The following AIMP2 variants were observed in gnomAD, a reference collection of about 807,000 sequenced individuals.
The protein encoded by AIMP2 is aminoacyl tRNA synthase complex-interacting multifunctional protein 2.
In AIMP2, 20 loss-of-function variants were observed where a neutral mutation model predicts 23.4. The ratio of observed to expected loss-of-function variants is 0.85; its 90% CI spans 0.60 to 1.24. The LOEUF (loss-of-function observed/expected upper bound fraction) is 1.24, where lower values mean the gene tolerates loss of function less well. AIMP2 is among the 50% of genes most tolerant of loss of function. AIMP2 has a pLI of 0.00. For synonymous variants in AIMP2, 210 were observed against 170.4 expected, an observed-to-expected ratio of 1.23 and a Z score of -1.81; for missense variants, 515 against 414.5, an observed-to-expected ratio of 1.24 and a Z score of -2.10.
chr7:6,010,107 A>G (rs1192450590), intron 1 of AIMP2, among the ~76,000 whole-genome samples: 1 of 150,388 alleles, frequency 6.6e-6, no homozygotes, highest in Non-Finnish European at 1.5e-5. Flanking sequence ...TCTCAGCAAC[A>G]TAGCGAGACC....
chr7:6,022,847 T>A (rs1787530257), intron 3 of AIMP2: 1 of 161,662 alleles, frequency 6.2e-6, no homozygotes, highest in Non-Finnish European at 1.4e-5. Context: ...ATGTTATGTA[T>A]TGACTATCCC....
At chr7:6,021,338 C>CAAAAAAAA (rs563523048) in intron 3 of AIMP2, among the ~76,000 whole-genome samples, 2 of 65,950 alleles carry the variant, frequency 3.0e-5, no homozygotes, top group Admixed American at 3.9e-4. Flanking sequence ...GACTCCATCT[C>CAAAAAAAA]AAAAAAAAAA....
intron 2 of AIMP2, among the ~76,000 whole-genome samples, chr7:6,015,895 C>T (rs533395983): frequency 6.6e-6 from 1 of 152,288 alleles, no homozygotes; most frequent in East Asian, 1.9e-4. Flanking sequence ...ACGTAGAGGA[C>T]AGGGAGGATC....
Position 6,023,552 on chromosome 7 carries a change from C to A in AIMP2, c.824C>A (p.Thr275Asn), listed in dbSNP as rs1468784875. 1 of 1,614,142 alleles carries A rather than the reference C, an allele frequency of 6.2e-7. No homozygotes were observed. The highest frequency in any genetic ancestry group is 1.3e-5 in the African/African-American group (1 of 74,948). Residue 275 changes from threonine (T) to asparagine (N), a missense_variant, in exon 4 of 4, where the codon ACC (threonine) becomes AAC (asparagine). Thr to Asn is a moderately conservative substitution (Grantham distance 65). Coordinates refer to ENST00000223029, the MANE Select transcript of AIMP2 (RefSeq NM_006303.4). ...KSPWLAGNEL[T>N]VADVVLWSVL... Reference sequence around the variant, plus strand: ...CCTTGGCTCGCTGGGAATGAACTCACCGTAGCAGACGTGGTGCTGTGGTCT... The same window carrying A: ...CCTTGGCTCGCTGGGAATGAACTCAACGTAGCAGACGTGGTGCTGTGGTCT...
At position 6,015,188 on chromosome 7, in the gene AIMP2, G is replaced by C. The variant is rs1786944388; in HGVS notation, c.178G>C (p.Asp60His). The C allele has an allele frequency of 6.2e-7, 1 of 1,614,160 alleles. No individual in the cohort carries two copies. Among genetic ancestry groups the C allele is most frequent in the Non-Finnish European group, 8.5e-7 (1 of 1,180,010 alleles). The stretch of plus-strand genomic sequence containing the variant: ...TCTGCAAGCTCTTGAGTCCCGCCAA[G>C]ATGATATTTTAAAACGTCTGTATGA... ...LSLQALESRQ[D>H]DILKRLYELK... The change falls in exon 2 of 4, where the codon GAT becomes CAT. Residue 60 changes from aspartate (D) to histidine (H), a missense_variant. Asp to His is a moderately conservative substitution (Grantham distance 81). Transcript: ENST00000223029.
intron 3 of AIMP2, 68 bp from the exon 4 acceptor site, chr7:6,023,234 TC>T: frequency 2.0e-6 from 3 of 1,501,750 alleles, no homozygotes; most frequent in Non-Finnish European, 2.7e-6. Flanking sequence ...ACTGTCCCCT[TC>T]CCCACTGTGC....
intron 1 of AIMP2, among the ~76,000 whole-genome samples, chr7:6,011,798 G>A (rs963357009): frequency 6.6e-6 from 1 of 152,188 alleles, no homozygotes; most frequent in African/African-American, 2.4e-5. Context: ...GTTGGAGAAT[G>A]TCACCTTTCA....
intron 3 of AIMP2, among the ~76,000 whole-genome samples, chr7:6,020,310 A>G (rs1350346816): frequency 3.9e-5 from 6 of 151,964 alleles, no homozygotes; most frequent in South Asian, 2.1e-4. Context: ...AATCCCAGCT[A>G]CTCAGGAGAC....
intron 1 of AIMP2, chr7:6,014,901 G>T (rs550241202): frequency 1.9e-4 from 115 of 603,324 alleles, no homozygotes; most frequent in Non-Finnish European, 2.6e-4. Context: ...TGTATTTCTA[G>T]TAGAGACGGG....
intron 1 of AIMP2, among the ~76,000 whole-genome samples, chr7:6,012,252 C>CAAAAAAAAA (rs144366351): frequency 8.8e-6 from 1 of 114,018 alleles, no homozygotes; most frequent in Non-Finnish European, 1.9e-5. Context: ...AACCCTGTCT[C>CAAAAAAAAA]AAAAAAAAAA....
chr7:6,009,503 G>A lies in AIMP2; in HGVS notation c.135+5G>A, dbSNP rs767683859. ...CCGGGCGCTGGCCACGTGCAGGTAG[G>A]AGCGCGGGGCCCCCCGCCCAGTGCG... On this transcript the variant is annotated splice_donor_5th_base_variant and intron_variant, in intron 1 of 3. Transcript: ENST00000223029. The A allele has an allele frequency of 4.0e-5, 61 of 1,519,576 alleles. No homozygotes were observed. Among genetic ancestry groups the A allele is most frequent in the Non-Finnish European group, 5.0e-5 (57 of 1,141,738 alleles). The allele number at this position is 1,519,576 out of a possible 1,614,324, so 94.1% of individuals were successfully genotyped here. A position where few individuals can be genotyped will look rare whatever the true frequency, so the allele number is the denominator to read the frequency against.
intron 3 of AIMP2, among the ~76,000 whole-genome samples, chr7:6,019,356 G>A (rs984254820): frequency 1.3e-5 from 2 of 151,604 alleles, no homozygotes; most frequent in Non-Finnish European, 2.9e-5. Flanking sequence ...ATGGTGGCAG[G>A]CGCCTGTAGT....
At position 6,023,380 on chromosome 7, in the gene AIMP2, TTC is replaced by T. The variant is rs760123492; in HGVS notation, c.658_659del (p.Leu220ValfsTer6). The T allele has an allele frequency of 2.5e-6, 4 of 1,614,174 alleles. No individual in the cohort carries two copies. Among genetic ancestry groups the T allele is most frequent in the Admixed American group, 3.3e-5 (2 of 60,004 alleles). On this transcript the variant is annotated frameshift_variant, in exon 4 of 4. Coordinates refer to ENST00000223029, the MANE Select transcript of AIMP2 (RefSeq NM_006303.4). LOFTEE classifies it high-confidence loss of function. Reference protein sequence around the residue: ...EGEGNIARFLFSLFGQKHNAV... With the variant: ...EGEGNIARFLXSLFGQKHNAV... ...CGAAGGGAACATTGCACGTTTCTTG[TTC>T]TCTCTGTTTGGCCAGAAGCATAATG...
chr7:6,009,397 G>A lies in AIMP2; in HGVS notation c.34G>A (p.Gly12Ser), dbSNP rs1367182950. 1 of 1,611,690 alleles carries A rather than the reference G, an allele frequency of 6.2e-7. No homozygotes were observed. The highest frequency in any genetic ancestry group is 1.3e-5 in the African/African-American group (1 of 75,004). The change falls in exon 1 of 4, where the codon GGC (glycine) becomes AGC (serine). Residue 12 changes from glycine to serine, a missense_variant. Gly to Ser is a moderately conservative substitution (Grantham distance 56). Coordinates refer to ENST00000223029, the MANE Select transcript of AIMP2 (RefSeq NM_006303.4). ...GTACCAGGTAAAGCCCTATCACGGGGGCGGCGCGCCTCTCCGTGTGGAGCT... is the reference window on the plus strand; with the variant it reads ...GTACCAGGTAAAGCCCTATCACGGGAGCGGCGCGCCTCTCCGTGTGGAGCT... Reference protein sequence around the residue: ...PMYQVKPYHGGGAPLRVELPT... With the variant: ...PMYQVKPYHGSGAPLRVELPT...
chr7:6,009,949 CAAAAA>C (rs1156596688), intron 1 of AIMP2, among the ~76,000 whole-genome samples: 2 of 22,468 alleles, frequency 8.9e-5, no homozygotes, highest in Admixed American at 6.4e-4. Context: ...AACTCTATCT[CAAAAA>C]AAAAAAAAAA....
At position 6,018,968 on chromosome 7, in the gene AIMP2, T is replaced by TAC. The variant is rs59354100; in HGVS notation, c.574+945_574+946dup. Among the ~76,000 whole-genome samples, 297 of 150,554 alleles carry TAC rather than the reference T, an allele frequency of 2.0e-3. 1 individual carries two copies. The highest frequency in any genetic ancestry group is 3.9e-3 in the East Asian group (20 of 5,124). On this transcript the variant is annotated intron_variant, in intron 3 of 3. Coordinates refer to ENST00000223029, the MANE Select transcript of AIMP2 (RefSeq NM_006303.4). Reference sequence around the variant, plus strand: ...TAAAAAGTTAAAATGTATCAAACCTTACACACACACACACACACACACAAT... The same window carrying TAC: ...TAAAAAGTTAAAATGTATCAAACCTTACACACACACACACACACACACACAAT...
At chr7:6,021,330 C>T (rs1787395840) in intron 3 of AIMP2, among the ~76,000 whole-genome samples, 1 of 131,520 alleles carries the variant, frequency 7.6e-6, no homozygotes, top group South Asian at 2.5e-4. Flanking sequence ...CAGAGCAAGA[C>T]TCCATCTCAA....
At chr7:6,009,974 A>AAAAAAAACATATATATATATATAT in intron 1 of AIMP2, among the ~76,000 whole-genome samples, 1 of 26,662 alleles carries the variant, frequency 3.8e-5, no homozygotes, top group Admixed American at 4.1e-4. Context: ...AAAAAAAAAA[A>AAAAAAAACATATATATATATATAT]ATATATATAT....
chr7:6,014,015 C>T (rs574879058), intron 1 of AIMP2, among the ~76,000 whole-genome samples: 11 of 151,920 alleles, frequency 7.2e-5, no homozygotes, highest in Admixed American at 5.2e-4. Flanking sequence ...CATGGACGTG[C>T]TTCCAAGCTA....
Sources: allele counts gnomAD v4.1 joint callset (sites outside exome capture counted in the v4.1 genomes callset), GRCh38; gene constraint gnomAD v4.1.1; transcripts MANE v1.5; gene names NCBI Gene and HGNC (gene_info 2026-07-23, HGNC 2026-07-21).